WASHC2C: variants seen among roughly 807,000 people sequenced by gnomAD.
WASHC2C encodes the protein Vaccinia Penetration Factor.
A neutral mutation model predicts 142.2 loss-of-function variants in WASHC2C; 73 were observed. That is an observed-to-expected ratio of 0.51 (90% CI 0.43 to 0.62). The LOEUF (loss-of-function observed/expected upper bound fraction) is 0.62. Among genes scored for constraint, WASHC2C ranks in the 20% least tolerant of loss-of-function variants. The probability of loss-of-function intolerance (pLI) is 0.00; values close to 1 mark genes in which losing one functional copy is unlikely to be tolerated. For missense variants in WASHC2C, 969 were observed against 1,531.7 expected, an observed-to-expected ratio of 0.63 and a Z score of 6.13; for synonymous variants, 337 against 565.5, an observed-to-expected ratio of 0.60 and a Z score of 5.73.
chr10:45,749,836 A>AAAAAAAAATATATAT (rs1227809519), intron 8 of WASHC2C, among the ~76,000 whole-genome samples: 2 of 101,768 alleles, frequency 2.0e-5, no homozygotes, highest in African/African-American at 8.7e-5. Context: ...AAAAAAAAAA[A>AAAAAAAAATATATAT]ATATATATAT....
chr10:45,759,549 G>C (rs1261302361), intron 17 of WASHC2C, 148 bp downstream of exon 17: 2 of 1,457,762 alleles, frequency 1.4e-6, no homozygotes, highest in Non-Finnish European at 9.2e-7. Context: ...GCAAGGAGTG[G>C]TGGTTCATGC....
chr10:45,763,712 C>CT (rs4042575), intron 18 of WASHC2C, among the ~76,000 whole-genome samples: 107 of 141,738 alleles, frequency 7.5e-4, no homozygotes, highest in Admixed American at 1.1e-3. Flanking sequence ...TGACGCAGTT[C>CT]TTTTTTTTTT....
At position 45,727,461 on chromosome 10, in the gene WASHC2C, G is replaced by T. The variant is rs765056642; in HGVS notation, c.48G>T (p.Glu16Asp). 3.7e-6 allele frequency: 6 copies of T among 1,610,620 alleles called. No individual in the cohort carries two copies. The South Asian group carries it at 6.6e-5, about 18-fold the overall frequency. The change falls in exon 2 of 31, where the codon GAG (glutamate) becomes GAT (aspartate). Residue 16 changes from glutamate (E) to aspartate (D), a missense_variant. Transcript: ENST00000623400. Reference sequence around the variant, plus strand: ...ACCAGGAGCTGGTGCCGGCGTCGGAGCCCGTGTGGGAGCGGCCGTGGTCGG... The same window carrying T: ...ACCAGGAGCTGGTGCCGGCGTCGGATCCCGTGTGGGAGCGGCCGTGGTCGG... ...TPDQELVPAS[E>D]PVWERPWSVE... is the part of the protein sequence containing the mutation.
Position 45,743,431 on chromosome 10 carries a change from A to G in WASHC2C, c.570A>G (p.Ser190=). Reference sequence around the variant, plus strand: ...GTCCTTTACCATATCTCATTGGGTCAAAGCTGTTCATGGAACAAGAAGATG... The same window carrying G: ...GTCCTTTACCATATCTCATTGGGTCGAAGCTGTTCATGGAACAAGAAGATG... ...IDRPLPYLIG[S]KLFMEQEDVG... The change falls in exon 6 of 31, where the codon TCA becomes TCG. Residue 190 remains serine (S), a synonymous_variant. Coordinates refer to ENST00000623400, the MANE Select transcript of WASHC2C (RefSeq NM_001330074.2). 1 of 1,611,958 alleles carries G rather than the reference A, an allele frequency of 6.2e-7. No homozygotes were observed. Among genetic ancestry groups the G allele is most frequent in the Non-Finnish European group, 8.5e-7 (1 of 1,179,844 alleles).
At chr10:45,738,680 A>T (rs561005850) in intron 4 of WASHC2C, among the ~76,000 whole-genome samples, 9 of 152,116 alleles carry the variant, frequency 5.9e-5, no homozygotes, top group African/African-American at 2.2e-4. Flanking sequence ...TTTTTAAAAA[A>T]GTTATTTTAT....
Position 45,755,103 on chromosome 10 carries a change from C to G in WASHC2C, c.1408C>G (p.Pro470Ala). 1 of 1,608,616 alleles carries G rather than the reference C, an allele frequency of 6.2e-7. No individual in the cohort carries two copies. The highest frequency in any genetic ancestry group is 8.5e-7 in the Non-Finnish European group (1 of 1,178,344). ...DDFFSAPHSK[P>A]SKTRKVQSTA... ...CTTTTTCTCGGCACCCCACAGCAAACCTTCTAAAACACGTATGTGTTCCTG... is the reference window on the plus strand; with the variant it reads ...CTTTTTCTCGGCACCCCACAGCAAAGCTTCTAAAACACGTATGTGTTCCTG... Residue 470 changes from proline (P) to alanine (A), a missense_variant, in exon 15 of 31, where the codon CCT becomes GCT. Coordinates refer to ENST00000623400, the MANE Select transcript of WASHC2C (RefSeq NM_001330074.2).
At chr10:45,734,359 C>CTCTGTGTG (rs1554863605) in intron 3 of WASHC2C, among the ~76,000 whole-genome samples, 23 of 148,156 alleles carry the variant, frequency 1.6e-4, no homozygotes, top group African/African-American at 4.7e-4. Flanking sequence ...TTCTAGATGA[C>CTCTGTGTG]TGTGTGTGTG....
At position 45,754,505 on chromosome 10, in the gene WASHC2C, T is replaced by A; in HGVS notation, c.1200T>A (p.Pro400=). ...SVKEESSSSK[P]GKKIPAGAVS... The stretch of plus-strand genomic sequence containing the variant: ...TTCTAGAGTCTTCATCATCCAAACC[T>A]GGAAAGAAAATCCCAGCAGGAGCTG... The change falls in exon 14 of 31, where the codon CCT becomes CCA. Residue 400 remains proline (P), a synonymous_variant. Transcript: ENST00000623400. 1 of 1,601,268 alleles carries A rather than the reference T, an allele frequency of 6.2e-7. No homozygotes were observed. Among genetic ancestry groups the A allele is most frequent in the Non-Finnish European group, 8.5e-7 (1 of 1,173,954 alleles).
intron 8 of WASHC2C, among the ~76,000 whole-genome samples, chr10:45,748,499 C>T (rs1452299594): frequency 5.7e-4 from 87 of 152,156 alleles, no homozygotes; most frequent in Non-Finnish European, 9.1e-4. Flanking sequence ...CATGTTGGCG[C>T]GGCTGGTCTT....
At chr10:45,769,367 C>A (rs1367869365) in intron 19 of WASHC2C, 82 bp from the exon 20 acceptor site, 15 of 1,468,286 alleles carry the variant, frequency 1.0e-5, no homozygotes, top group African/African-American at 1.4e-5. Flanking sequence ...ATTCACCCGC[C>A]TCGGCCTCCC....
At chr10:45,789,592 C>A (rs2058273542) in intron 29 of WASHC2C, 101 bp downstream of exon 29, 21 of 1,502,124 alleles carry the variant, frequency 1.4e-5, no homozygotes, top group African/African-American at 2.8e-5. Flanking sequence ...TGCGTGCATA[C>A]CCCATAGCCA....
intron 25 of WASHC2C, 113 bp from the exon 26 acceptor site, chr10:45,785,396 A>G (rs2057960124): frequency 5.3e-6 from 7 of 1,322,512 alleles, no homozygotes; most frequent in Non-Finnish European, 6.2e-6. Context: ...TTCAGCCCTC[A>G]TTTGAGAAAG....
intron 30 of WASHC2C, 104 bp downstream of exon 30, chr10:45,790,637 A>C: frequency 2.0e-6 from 3 of 1,491,142 alleles, no homozygotes; most frequent in Non-Finnish European, 2.8e-6. Context: ...AATGCACCCC[A>C]GCGGGTTCAC....
intron 17 of WASHC2C, among the ~76,000 whole-genome samples, chr10:45,761,311 A>G (rs1346898779): frequency 1.4e-3 from 207 of 150,122 alleles, no homozygotes; most frequent in Admixed American, 2.2e-3. Context: ...AGAGAGCCCG[A>G]TGGAGGCCAT....
intron 3 of WASHC2C, among the ~76,000 whole-genome samples, chr10:45,729,734 T>C (rs1161163068): frequency 1.2e-4 from 18 of 149,902 alleles, no homozygotes; most frequent in Admixed American, 8.7e-4. Context: ...GTGTCCCAAC[T>C]TTCTGAATAT....
chr10:45,789,561 C>T (rs1159590966), intron 29 of WASHC2C, 70 bp downstream of exon 29: 1,312 of 1,601,658 alleles, frequency 8.2e-4, no homozygotes, highest in Non-Finnish European at 1.0e-3. Flanking sequence ...TTATTTGAGC[C>T]ATAGATTATG....
chr10:45,765,451 T>TTC (rs1589811137), intron 18 of WASHC2C, among the ~76,000 whole-genome samples: 3 of 149,766 alleles, frequency 2.0e-5, no homozygotes, highest in East Asian at 2.0e-4. Flanking sequence ...CTCCTGCTTA[T>TTC]ATGCAGCTGT....
chr10:45,770,281 C>T (rs1431377198), intron 20 of WASHC2C, among the ~76,000 whole-genome samples: 6 of 143,306 alleles, frequency 4.2e-5, no homozygotes, highest in African/African-American at 8.0e-5. Context: ...GAAATCTGCT[C>T]AGCATTTAAC....
intron 3 of WASHC2C, among the ~76,000 whole-genome samples, chr10:45,730,720 C>T (rs1260018541): frequency 2.6e-5 from 4 of 151,400 alleles, no homozygotes; most frequent in African/African-American, 9.8e-5. Flanking sequence ...CCCGGGTTCA[C>T]GCCATTCTCC....
Sources: gnomAD v4.1 joint callset for allele counts (sites outside exome capture counted in the v4.1 genomes callset) on GRCh38, gnomAD v4.1.1 for gene constraint, MANE v1.5 for transcripts, NCBI Gene and HGNC (gene_info 2026-07-23, HGNC 2026-07-21) for gene names.